Variants in MGAT4C observed in about 807,000 individuals in gnomAD.
MGAT4C encodes MGAT4 family member C.
MGAT4C carries 19 observed loss-of-function variants against 40.1 expected under a neutral mutation model. The observed-to-expected ratio is 0.47, with a 90% confidence interval of 0.33 to 0.70. MGAT4C has a LOEUF of 0.70. Among genes scored for constraint, MGAT4C ranks in the 30% least tolerant of loss-of-function variants. The pLI is 0.02. For synonymous variants in MGAT4C, 181 were observed against 187.1 expected, an observed-to-expected ratio of 0.97 and a Z score of 0.27; for missense variants, 491 against 563.2, an observed-to-expected ratio of 0.87 and a Z score of 1.30.
At chr12:86,158,842 C>T (rs141591523) in intron 1 of MGAT4C, among the ~76,000 whole-genome samples, 13 of 152,128 alleles carry the variant, frequency 8.5e-5, no homozygotes, top group African/African-American at 1.4e-4. Context: ...TCAGCCTAGA[C>T]GGTGTTAGTG....
intron 2 of MGAT4C, among the ~76,000 whole-genome samples, chr12:86,454,436 AG>A (rs1239318310): frequency 6.6e-6 from 1 of 152,018 alleles, no homozygotes; most frequent in Admixed American, 6.6e-5. Flanking sequence ...CATGTTGCCC[AG>A]GCTAGTCTTG....
chr12:86,487,198 A>G (rs1453728134), intron 2 of MGAT4C, among the ~76,000 whole-genome samples: 1 of 152,174 alleles, frequency 6.6e-6, no homozygotes, highest in Non-Finnish European at 1.5e-5. Context: ...ATTCTCTGTG[A>G]AAGAGATCTA....
chr12:85,978,417 A>G lies in MGAT4C; in HGVS notation c.*872T>C, dbSNP rs998690019. 4 of 152,130 alleles carry G rather than the reference A, an allele frequency of 2.6e-5. No homozygotes were observed. The highest frequency in any genetic ancestry group is 2.0e-4 in the Admixed American group (3 of 15,202). 9.4% of individuals were successfully genotyped at this position (152,130 alleles called of 1,614,324 possible). A position where few individuals can be genotyped will look rare whatever the true frequency, so the allele number is the denominator to read the frequency against. On this transcript the variant is annotated 3_prime_UTR_variant, in exon 5 of 5. Coordinates refer to ENST00000611864, the MANE Select transcript of MGAT4C (RefSeq NM_001351288.2). ...TATATGATAAATCACAATAATTTCA[A>G]TCACATGGATTTTAATACAAAATGT...
chr12:86,438,188 G>GA (rs1957169918), intron 2 of MGAT4C, among the ~76,000 whole-genome samples: 1 of 151,904 alleles, frequency 6.6e-6, no homozygotes, highest in South Asian at 2.1e-4. Flanking sequence ...CAAAACAACT[G>GA]TATTACAGAT....
intron 3 of MGAT4C, among the ~76,000 whole-genome samples, chr12:86,404,908 T>C (rs1485113992): frequency 3.3e-5 from 5 of 152,034 alleles, no homozygotes; most frequent in African/African-American, 1.2e-4. Flanking sequence ...CTAAATGAGA[T>C]AGGAAAGTAA....
chr12:86,567,814 T>C (rs1294493257), intron 2 of MGAT4C, among the ~76,000 whole-genome samples: 1 of 152,242 alleles, frequency 6.6e-6, no homozygotes, highest in Non-Finnish European at 1.5e-5. Flanking sequence ...GACATGTTTG[T>C]GCATGTACAC....
At chr12:86,173,729 C>T (rs901515685) in intron 1 of MGAT4C, among the ~76,000 whole-genome samples, 7 of 151,642 alleles carry the variant, frequency 4.6e-5, no homozygotes, top group Non-Finnish European at 1.0e-4. Context: ...GGATGTGTTA[C>T]GCTGGGATAA....
chr12:86,441,342 T>TA (rs1455739751), intron 2 of MGAT4C, among the ~76,000 whole-genome samples: 317 of 151,062 alleles, frequency 2.1e-3, no homozygotes, highest in African/African-American at 7.6e-3. Flanking sequence ...TTATTATTAT[T>TA]TTTATTATTA....
chr12:86,512,065 A>G (rs1958597700), intron 2 of MGAT4C, among the ~76,000 whole-genome samples: 1 of 152,164 alleles, frequency 6.6e-6, no homozygotes. Flanking sequence ...AACAAGAAAA[A>G]AAGGACAAAA....
In MGAT4C at chr12:86,350,105, CAA is replaced by C. The variant is rs1955126797; in HGVS notation, c.-119-15980_-119-15979del. 2.0e-5 allele frequency among the ~76,000 whole-genome samples: 3 copies of C among 152,016 alleles called. No homozygotes were observed. In the East Asian group the frequency reaches 5.8e-4, roughly 29 times the overall value. On this transcript the variant is annotated intron_variant, in intron 3 of 7. Transcript: ENST00000548651. ...TGGCAAATTCTTTGAAGGGGAAACTCAAAGTTTAGGGCTTGCTTCTCTTATCC... is the reference window on the plus strand; with the variant it reads ...TGGCAAATTCTTTGAAGGGGAAACTCAGTTTAGGGCTTGCTTCTCTTATCC...
intron 4 of MGAT4C, among the ~76,000 whole-genome samples, chr12:86,329,039 G>T (rs1178427228): frequency 1.3e-5 from 2 of 151,634 alleles, no homozygotes; most frequent in South Asian, 2.1e-4. Flanking sequence ...GGGGGCAGAG[G>T]TTGCAGTGAG....
At chr12:86,019,776 T>G (rs538477402) in intron 2 of MGAT4C, among the ~76,000 whole-genome samples, 5 of 152,268 alleles carry the variant, frequency 3.3e-5, no homozygotes, top group African/African-American at 1.2e-4. Flanking sequence ...ATAAATTACC[T>G]TGGGCAGTAT....
chr12:86,315,508 C>T (rs7980495), intron 4 of MGAT4C, among the ~76,000 whole-genome samples: 7,237 of 151,552 alleles, frequency 0.048, 574 homozygotes, highest in African/African-American at 0.17. Flanking sequence ...CGAGATCATC[C>T]TGGCTAACAC....
intron 3 of MGAT4C, among the ~76,000 whole-genome samples, chr12:86,403,410 G>A (rs1956406949): frequency 6.6e-6 from 1 of 152,174 alleles, no homozygotes; most frequent in Non-Finnish European, 1.5e-5. Context: ...TTTCCTTATA[G>A]AAAGCAAATA....
At chr12:86,753,726 A>G (rs568072872) in intron 1 of MGAT4C, among the ~76,000 whole-genome samples, 1 of 152,174 alleles carries the variant, frequency 6.6e-6, no homozygotes, top group Non-Finnish European at 1.5e-5. Flanking sequence ...ACACTTTACA[A>G]AAAGATATGA....
chr12:86,063,186 A>T (rs1007999651), intron 1 of MGAT4C, among the ~76,000 whole-genome samples: 1 of 152,206 alleles, frequency 6.6e-6, no homozygotes, highest in African/African-American at 2.4e-5. Flanking sequence ...CTCTACAGAG[A>T]TCATACAAGC....
intron 3 of MGAT4C, among the ~76,000 whole-genome samples, chr12:86,431,220 C>A (rs772904398): frequency 6.6e-6 from 1 of 152,076 alleles, no homozygotes; most frequent in Non-Finnish European, 1.5e-5. Flanking sequence ...CAATTGGGCA[C>A]CACAGCTAGC....
intron 2 of MGAT4C, among the ~76,000 whole-genome samples, chr12:86,573,906 C>T (rs772317608): frequency 6.6e-6 from 1 of 151,906 alleles, no homozygotes; most frequent in African/African-American, 2.4e-5. Context: ...TTCCTTGAAT[C>T]TGTAACTTGA....
intron 2 of MGAT4C, among the ~76,000 whole-genome samples, chr12:86,441,353 T>C (rs1957224182): frequency 6.6e-6 from 1 of 151,114 alleles, no homozygotes; most frequent in African/African-American, 2.4e-5. Context: ...TTTATTATTA[T>C]TATTATTATT....
Sources: gnomAD v4.1 joint callset for allele counts (sites outside exome capture counted in the v4.1 genomes callset) on GRCh38, gnomAD v4.1.1 for gene constraint, MANE v1.5 for transcripts, NCBI Gene and HGNC (gene_info 2026-07-23, HGNC 2026-07-21) for gene names.